The following RAB40C variants were observed in gnomAD, a reference collection of about 807,000 sequenced individuals.
RAB40C encodes RAB40C, member RAS oncogene family, also known as ras-related protein Rab-40C.
A neutral mutation model predicts 28.1 loss-of-function variants in RAB40C; 8 were observed. The ratio of observed to expected loss-of-function variants is 0.28; its 90% confidence interval spans 0.17 to 0.51. The LOEUF is 0.51. Among genes scored for constraint, RAB40C ranks in the 20% least tolerant of loss-of-function variants. RAB40C has a pLI of 0.97. For missense variants in RAB40C, 288 were observed against 405.9 expected (o/e 0.71, Z 2.50); for synonymous variants, 201 against 171.7 (o/e 1.17, Z -1.34).
chr16:601,851 G>A (rs2036258913), intron 1 of RAB40C, among the ~76,000 whole-genome samples: 2 of 135,468 alleles, frequency 1.5e-5, no homozygotes, highest in South Asian at 4.6e-4. Context: ...AAAAAGGCCG[G>A]ATGCGGTGGC....
At chr16:622,716 G>A (rs942345282) in intron 3 of RAB40C, among the ~76,000 whole-genome samples, 2 of 152,206 alleles carry the variant, frequency 1.3e-5, no homozygotes, top group African/African-American at 4.8e-5. Flanking sequence ...ATGTTGGCCA[G>A]GATGGTCTCC....
chr16:596,246 G>A (rs72767868), intron 1 of RAB40C: 80,612 of 453,240 alleles, frequency 0.18, 8,056 homozygotes, highest in South Asian at 0.26. Context: ...GGAGCTGAGA[G>A]GTGGGCGGGA....
intron 1 of RAB40C, among the ~76,000 whole-genome samples, chr16:592,909 C>G (rs776473772): frequency 2.6e-5 from 4 of 152,238 alleles, no homozygotes; most frequent in Non-Finnish European, 5.9e-5. Flanking sequence ...GACATGCTCA[C>G]TGAAGTGGGG....
chr16:619,132 G>A (rs1473190861), intron 3 of RAB40C, among the ~76,000 whole-genome samples: 3 of 149,094 alleles, frequency 2.0e-5, no homozygotes. Flanking sequence ...GGCCATGTGT[G>A]CAGTGTGTGC....
At chr16:609,077 T>G (rs1193072359) in intron 1 of RAB40C, among the ~76,000 whole-genome samples, 1 of 152,168 alleles carries the variant, frequency 6.6e-6, no homozygotes. Flanking sequence ...GCCTCACCAC[T>G]GCACTCCAGC....
At position 610,616 on chromosome 16, in the gene RAB40C, T is replaced by C. The variant is rs1302996961; in HGVS notation, c.143-6592T>C. Among the ~76,000 whole-genome samples the C allele has an allele frequency of 6.6e-6, 1 of 152,146 alleles. No individual in the cohort carries two copies. The highest frequency in any genetic ancestry group is 6.5e-5 in the Admixed American group (1 of 15,282). On this transcript the variant is annotated intron_variant, in intron 1 of 5. Coordinates refer to ENST00000248139, the MANE Select transcript of RAB40C (RefSeq NM_021168.5). The surrounding 1 kb of genome is among the most constrained non-coding windows in gnomAD (Gnocchi z 4.6). ...CAGCTGATGCCTAGGGACCCCCTTA[T>C]GGGGTAGTGTTGAGCTCTGCAGCCG... is the stretch of plus-strand genomic sequence containing the variant.
chr16:615,819 G>T (rs946915303), intron 1 of RAB40C, among the ~76,000 whole-genome samples: 5 of 152,042 alleles, frequency 3.3e-5, no homozygotes, highest in African/African-American at 1.2e-4. Flanking sequence ...AAAATTAGCC[G>T]GCTGTGGTGG....
In RAB40C at chr16:626,134, G is replaced by T. The variant is rs1450568427; in HGVS notation, c.565+13G>T. The T allele has an allele frequency of 1.2e-6, 2 of 1,605,320 alleles. No individual in the cohort carries two copies. The highest frequency in any genetic ancestry group is 1.7e-6 in the Non-Finnish European group (2 of 1,173,734). ...AGGCCCAACCGAGGTGGGTGGGCGG[G>T]CGCCGGCCAGCCCTGAGGTCCCCGA... On this transcript the variant is annotated intron_variant, in intron 5 of 5. Coordinates refer to ENST00000248139, the MANE Select transcript of RAB40C (RefSeq NM_021168.5).
chr16:592,799 G>A (rs925464674), intron 1 of RAB40C, among the ~76,000 whole-genome samples: 1 of 152,246 alleles, frequency 6.6e-6, no homozygotes, highest in African/African-American at 2.4e-5. Flanking sequence ...TGGCCAGCTC[G>A]CCTACCCAAC....
At chr16:614,026 C>T (rs1466805587) in intron 1 of RAB40C, among the ~76,000 whole-genome samples, 1 of 152,134 alleles carries the variant, frequency 6.6e-6, no homozygotes, top group African/African-American at 2.4e-5. Context: ...TGGTGAACTG[C>T]CTAACTCTAC....
At chr16:608,106 A>G (rs2036402012) in intron 1 of RAB40C, among the ~76,000 whole-genome samples, 1 of 152,142 alleles carries the variant, frequency 6.6e-6, no homozygotes, top group South Asian at 2.1e-4. Flanking sequence ...TTGTAAAGAA[A>G]AGAGGTTTAA....
In RAB40C at chr16:627,468, T is replaced by C. The variant is rs2151083400; in HGVS notation, c.692T>C (p.Met231Thr). 1.2e-6 allele frequency: 2 copies of C among 1,614,018 alleles called. No individual in the cohort carries two copies. Among genetic ancestry groups the C allele is most frequent in the Non-Finnish European group, 8.5e-7 (1 of 1,180,030 alleles). Reference protein sequence around the residue: ...HLKSFSMANGMNAVMMHGRSY... With the variant: ...HLKSFSMANGTNAVMMHGRSY... ...AAGTCCTTCTCGATGGCCAACGGCA[T>C]GAACGCGGTCATGATGCACGGCCGT... The change falls in exon 6 of 6, where the codon ATG (methionine) becomes ACG (threonine). Residue 231 changes from methionine to threonine, a missense_variant. By Grantham distance (81) the Met-to-Thr change is moderately conservative. This residue lies in a region of RAB40C where 153 missense variants were observed against 262.4 expected (regional missense o/e 0.58). Transcript: ENST00000248139.
intron 1 of RAB40C, among the ~76,000 whole-genome samples, chr16:605,957 G>T (rs775448443): frequency 6.6e-6 from 1 of 152,198 alleles, no homozygotes; most frequent in Non-Finnish European, 1.5e-5. Context: ...CTGCAAGCTT[G>T]TTTCTTTGTA....
chr16:623,367 G>T (rs1480457371), intron 3 of RAB40C, among the ~76,000 whole-genome samples: 3 of 152,146 alleles, frequency 2.0e-5, no homozygotes, highest in African/African-American at 7.2e-5. Flanking sequence ...AAATCATGCT[G>T]GGCCGGGCGC....
intron 1 of RAB40C, among the ~76,000 whole-genome samples, chr16:593,074 T>C (rs941865749): frequency 6.6e-6 from 1 of 152,246 alleles, no homozygotes; most frequent in Non-Finnish European, 1.5e-5. Flanking sequence ...GCAGGAGTCC[T>C]GTGGCCTCGA....
At position 626,231 on chromosome 16, in the gene RAB40C, T is replaced by TTGGCAACCC; in HGVS notation, c.565+117_565+118insCCTGGCAAC. ...AGTGAGGGAGGTTCAGGCAGGTCCC[T>TTGGCAACCC]TGGCAACGCGCAGTAGGGGCTCGGC... On this transcript the variant is annotated intron_variant, in intron 5 of 5. Coordinates refer to ENST00000248139, the MANE Select transcript of RAB40C (RefSeq NM_021168.5). 3 of 1,146,876 alleles carry TTGGCAACCC rather than the reference T, an allele frequency of 2.6e-6. 1 individual carries two copies. Among genetic ancestry groups the TTGGCAACCC allele is most frequent in the Non-Finnish European group, 3.8e-6 (3 of 788,216 alleles). 71.0% of individuals were successfully genotyped at this position (1,146,876 alleles called of 1,614,324 possible).
At chr16:609,206 C>G (rs1340424579) in intron 1 of RAB40C, among the ~76,000 whole-genome samples, 1 of 152,104 alleles carries the variant, frequency 6.6e-6, no homozygotes, top group Non-Finnish European at 1.5e-5. Context: ...AGGGGCCATG[C>G]GATCTGCTTG....
At chr16:607,279 C>T (rs2036379743) in intron 1 of RAB40C, among the ~76,000 whole-genome samples, 2 of 151,548 alleles carry the variant, frequency 1.3e-5, no homozygotes, top group South Asian at 4.2e-4. Flanking sequence ...GGTGGATAAC[C>T]TGAGGTCAGG....
intron 1 of RAB40C, among the ~76,000 whole-genome samples, chr16:601,193 A>G (rs532096058): frequency 3.0e-4 from 45 of 152,306 alleles, no homozygotes; most frequent in African/African-American, 1.1e-3. Flanking sequence ...CTTTTAAAAA[A>G]TTGTAGTACC....
Sources: allele counts gnomAD v4.1 joint callset (sites outside exome capture counted in the v4.1 genomes callset), GRCh38; gene constraint gnomAD v4.1.1; regional missense constraint gnomAD v4.1.1; non-coding constraint Gnocchi (gnomAD v3.1); transcripts MANE v1.5; gene names NCBI Gene and HGNC (gene_info 2026-07-23, HGNC 2026-07-21).